Variants in PCDHGA11 observed in about 807,000 individuals in gnomAD.
PCDHGA11 encodes the protein protocadherin gamma-A11.
A neutral mutation model predicts 60.4 loss-of-function variants in PCDHGA11; 39 were observed. The observed-to-expected ratio is 0.65, with a 90% CI of 0.50 to 0.84. The LOEUF (loss-of-function observed/expected upper bound fraction) is 0.84. Ranked by LOEUF, PCDHGA11 falls within the 40% of genes least tolerant of loss-of-function variation. The pLI is 0.00. For missense variants in PCDHGA11, 1,165 were observed against 1,197.7 expected (o/e 0.97, Z 0.40); for synonymous variants, 533 against 510.3 (o/e 1.04, Z -0.60).
At chr5:141,502,818 C>T (rs1209481886) in intron 2 of PCDHGA11, among the ~76,000 whole-genome samples, 1 of 150,836 alleles carries the variant, frequency 6.6e-6, no homozygotes, top group Non-Finnish European at 1.5e-5. Context: ...ACTGTCTTTT[C>T]CTTGGGGAAG....
At chr5:141,449,450 T>C (rs1269861041) in intron 1 of PCDHGA11, among the ~76,000 whole-genome samples, 2 of 151,216 alleles carry the variant, frequency 1.3e-5, no homozygotes, top group Non-Finnish European at 2.9e-5. Context: ...CTACTAAAAA[T>C]ACAAAAATTA....
At chr5:141,481,838 T>G (rs1297962011) in intron 1 of PCDHGA11, among the ~76,000 whole-genome samples, 2 of 150,868 alleles carry the variant, frequency 1.3e-5, no homozygotes, top group African/African-American at 4.9e-5. Flanking sequence ...GGAGAATCGC[T>G]TGATGGTGGA....
chr5:141,505,577 G>A lies in PCDHGA11; in HGVS notation c.2581+96G>A, dbSNP rs537948666. 8.2e-6 allele frequency: 13 copies of A among 1,589,854 alleles called. No homozygotes were observed. The African/African-American group carries it at 1.1e-4, about 13-fold the overall frequency. Reference sequence around the variant, plus strand: ...TGCCCACGGACTGGATGTCAAACCTGTGTAGTTTCTCCAGATCTTTCGGCA... The same window carrying A: ...TGCCCACGGACTGGATGTCAAACCTATGTAGTTTCTCCAGATCTTTCGGCA... On this transcript the variant is annotated intron_variant, in intron 3 of 3. Coordinates refer to ENST00000398587, the MANE Select transcript of PCDHGA11 (RefSeq NM_018914.3).
chr5:141,491,048 C>G lies in PCDHGA11; in HGVS notation c.2434-3759C>G. On this transcript the variant is annotated intron_variant, in intron 1 of 3. Coordinates refer to ENST00000398587, the MANE Select transcript of PCDHGA11 (RefSeq NM_018914.3). The surrounding 1 kb of genome is among the most constrained non-coding windows in gnomAD (Gnocchi z 6.9). ...GTGGATGCTGATGCAGGCCACAATGCGTGGCTCTCCTACTCACTGTTGCCA... is the reference window on the plus strand; with the variant it reads ...GTGGATGCTGATGCAGGCCACAATGGGTGGCTCTCCTACTCACTGTTGCCA... 1.2e-6 allele frequency: 2 copies of G among 1,614,066 alleles called. No individual in the cohort carries two copies. Among genetic ancestry groups the G allele is most frequent in the Non-Finnish European group, 8.5e-7 (1 of 1,179,952 alleles).
chr5:141,438,681 G>T (rs2098050580), intron 1 of PCDHGA11, among the ~76,000 whole-genome samples: 1 of 142,154 alleles, frequency 7.0e-6, no homozygotes, highest in South Asian at 2.3e-4. Context: ...TGGAGTAGGG[G>T]ATGGAGTCTT....
chr5:141,509,068 G>T (rs1267011061), intron 3 of PCDHGA11, among the ~76,000 whole-genome samples: 1 of 152,144 alleles, frequency 6.6e-6, no homozygotes, highest in Non-Finnish European at 1.5e-5. Context: ...TCTCAGCTCC[G>T]GGGATTTGCG....
Position 141,431,732 on chromosome 5 carries a change from G to C in PCDHGA11, c.2433+8072G>C. 1 of 1,614,238 alleles carries C rather than the reference G, an allele frequency of 6.2e-7. No individual in the cohort carries two copies. Among genetic ancestry groups the C allele is most frequent in the Non-Finnish European group, 8.5e-7 (1 of 1,180,046 alleles). On this transcript the variant is annotated intron_variant, in intron 1 of 3. Coordinates refer to ENST00000398587, the MANE Select transcript of PCDHGA11 (RefSeq NM_018914.3). The surrounding 1 kb of genome is among the most constrained non-coding windows in gnomAD (Gnocchi z 4.8). ...GATGGAAGTGCAAGCAATGGATAAT[G>C]CAGGATATTCTGCGCGAGCCAAAGT...
chr5:141,432,061 G>T lies in PCDHGA11; in HGVS notation c.2433+8401G>T. On this transcript the variant is annotated intron_variant, in intron 1 of 3. Coordinates refer to ENST00000398587, the MANE Select transcript of PCDHGA11 (RefSeq NM_018914.3). The surrounding 1 kb of genome is among the most constrained non-coding windows in gnomAD (Gnocchi z 6.0). ...ACCGGGGAACCCCGCCCCTATCCAC[G>T]GAAACTCATATCTCGCTGAACGTGG... 1.9e-6 allele frequency: 3 copies of T among 1,614,130 alleles called. No homozygotes were observed. The highest frequency in any genetic ancestry group is 2.5e-6 in the Non-Finnish European group (3 of 1,180,034).
At chr5:141,492,008 G>A (rs1201433644) in intron 1 of PCDHGA11, 21 of 616,588 alleles carry the variant, frequency 3.4e-5, no homozygotes, top group Admixed American at 2.9e-4. Flanking sequence ...CGATTTCCGC[G>A]GGTGTCGGGG....
chr5:141,482,126 A>G (rs1235540230), intron 1 of PCDHGA11, among the ~76,000 whole-genome samples: 1 of 152,004 alleles, frequency 6.6e-6, no homozygotes, highest in Non-Finnish European at 1.5e-5. Flanking sequence ...TGGGAGAATC[A>G]TATGGCTGGC....
intron 2 of PCDHGA11, among the ~76,000 whole-genome samples, chr5:141,505,119 G>A (rs371973470): frequency 3.1e-4 from 47 of 152,210 alleles, no homozygotes; most frequent in African/African-American, 1.0e-3. Flanking sequence ...CCAAGATCGC[G>A]CCACTGCACT....
chr5:141,452,360 C>A (rs1045666881), intron 1 of PCDHGA11, among the ~76,000 whole-genome samples: 3 of 152,172 alleles, frequency 2.0e-5, no homozygotes, highest in Non-Finnish European at 4.4e-5. Flanking sequence ...AAAAGCCTTG[C>A]TTCATTTTAG....
Position 141,486,672 on chromosome 5 carries a change from G to A in PCDHGA11, c.2434-8135G>A. The A allele has an allele frequency of 5.0e-6, 8 of 1,614,000 alleles. No homozygotes were observed. Among genetic ancestry groups the A allele is most frequent in the Non-Finnish European group, 5.9e-6 (7 of 1,180,028 alleles). On this transcript the variant is annotated intron_variant, in intron 1 of 3. Coordinates refer to ENST00000398587, the MANE Select transcript of PCDHGA11 (RefSeq NM_018914.3). This position sits in a 1 kb window ranked among gnomAD's most constrained non-coding sequence, Gnocchi z 5.0. Reference sequence around the variant, plus strand: ...TACTCACTCCTGGAGCCCAGGAATCGAGATGTATCAGCTTCCTCTTTCATC... The same window carrying A: ...TACTCACTCCTGGAGCCCAGGAATCAAGATGTATCAGCTTCCTCTTTCATC...
intron 1 of PCDHGA11, among the ~76,000 whole-genome samples, chr5:141,433,680 A>G (rs570459317): frequency 1.3e-5 from 2 of 152,236 alleles, no homozygotes; most frequent in African/African-American, 4.8e-5. Context: ...TACTAAAAAA[A>G]TACAAAATTA....
intron 2 of PCDHGA11, among the ~76,000 whole-genome samples, chr5:141,495,936 T>C (rs1329369782): frequency 6.6e-6 from 1 of 152,206 alleles, no homozygotes; most frequent in Non-Finnish European, 1.5e-5. Flanking sequence ...GTCTCTGGTC[T>C]CTGTGCCTGT....
At position 141,423,722 on chromosome 5, in the gene PCDHGA11, G is replaced by A. The variant is rs541297269; in HGVS notation, c.2433+62G>A. Reference sequence around the variant, plus strand: ...CTTGGCACAAGTCTTTTAAGGAGATGTTTTTTGAGCCTGTTATGAAAACTG... The same window carrying A: ...CTTGGCACAAGTCTTTTAAGGAGATATTTTTTGAGCCTGTTATGAAAACTG... On this transcript the variant is annotated intron_variant, in intron 1 of 3. Coordinates refer to ENST00000398587, the MANE Select transcript of PCDHGA11 (RefSeq NM_018914.3). 5 of 954,184 alleles carry A rather than the reference G, an allele frequency of 5.2e-6. No individual in the cohort carries two copies. In the African/African-American group the frequency reaches 6.3e-5, roughly 12 times the overall value. The allele number at this position is 954,184 out of a possible 1,614,324, so 59.1% of individuals were successfully genotyped here.
intron 1 of PCDHGA11, among the ~76,000 whole-genome samples, chr5:141,455,201 CAATAAGAGTTTTT>C (rs1373301624): frequency 6.6e-6 from 1 of 151,722 alleles, no homozygotes; most frequent in Non-Finnish European, 1.5e-5. Flanking sequence ...AATTTACAAC[CAATAAGAGTTTTT>C]AATGCTTTGA....
intron 2 of PCDHGA11, among the ~76,000 whole-genome samples, chr5:141,501,052 A>G (rs1007055288): frequency 6.6e-6 from 1 of 151,988 alleles, no homozygotes; most frequent in Non-Finnish European, 1.5e-5. Flanking sequence ...TATTTTTAGT[A>G]GAGACGGGGT....
At chr5:141,428,750 C>G (rs1282306626) in intron 1 of PCDHGA11, 1 of 154,730 alleles carries the variant, frequency 6.5e-6, no homozygotes, top group African/African-American at 2.4e-5. Flanking sequence ...ACTATTGCTT[C>G]AGGTTTGTTT....
Sources: allele counts gnomAD v4.1 joint callset (sites outside exome capture counted in the v4.1 genomes callset), GRCh38; gene constraint gnomAD v4.1.1; non-coding constraint Gnocchi (gnomAD v3.1); transcripts MANE v1.5; gene names NCBI Gene and HGNC (gene_info 2026-07-23, HGNC 2026-07-21).